The following NRXN1 variants were observed in gnomAD, a reference collection of about 807,000 sequenced individuals.
NRXN1 encodes neurexin 1, also known as neurexin-1.
Under a neutral mutation model 150.9 loss-of-function variants are expected in NRXN1, and 39 were observed. The ratio of observed to expected loss-of-function variants is 0.26; its 90% CI spans 0.20 to 0.34. The LOEUF (loss-of-function observed/expected upper bound fraction) is 0.34. Ranked by LOEUF, NRXN1 falls within the 10% of genes least tolerant of loss-of-function variation. The probability of loss-of-function intolerance (pLI) is 1.00; values close to 1 mark genes in which losing one functional copy is unlikely to be tolerated. For synonymous variants in NRXN1, 924 were observed against 757.0 expected, an observed-to-expected ratio of 1.22 and a Z score of -3.62; for missense variants, 1,815 against 1,949.9, an observed-to-expected ratio of 0.93 and a Z score of 1.30.
At chr2:50,206,925 C>G (rs1360164437) in intron 18 of NRXN1, among the ~76,000 whole-genome samples, 1 of 151,076 alleles carries the variant, frequency 6.6e-6, no homozygotes, top group Non-Finnish European at 1.5e-5. Context: ...CACACACATA[C>G]AAACCCAGTG....
At chr2:50,525,597 G>T (rs139215134) in intron 12 of NRXN1, among the ~76,000 whole-genome samples, 130 of 152,272 alleles carry the variant, frequency 8.5e-4, no homozygotes, top group Non-Finnish European at 1.2e-3. Flanking sequence ...AAGCTAATGA[G>T]CATCAATAAA....
At chr2:50,203,889 G>A (rs978939878) in intron 18 of NRXN1, among the ~76,000 whole-genome samples, 7 of 152,090 alleles carry the variant, frequency 4.6e-5, no homozygotes, top group African/African-American at 1.2e-4. Context: ...GACTGGGTGA[G>A]TTTTCCTGGG....
At chr2:50,697,776 C>T (rs1476060857) in intron 5 of NRXN1, among the ~76,000 whole-genome samples, 2 of 152,082 alleles carry the variant, frequency 1.3e-5, no homozygotes, top group Admixed American at 1.3e-4. Context: ...ATAGGTTCTG[C>T]CCACATCTTT....
At chr2:50,170,237 T>C (rs1311963690) in intron 18 of NRXN1, among the ~76,000 whole-genome samples, 1 of 152,012 alleles carries the variant, frequency 6.6e-6, no homozygotes, top group Non-Finnish European at 1.5e-5. Context: ...AAATCCAAAA[T>C]TTTTTGAACA....
intron 19 of NRXN1, among the ~76,000 whole-genome samples, chr2:50,067,473 T>C (rs1396745054): frequency 6.6e-6 from 1 of 152,224 alleles, no homozygotes; most frequent in African/African-American, 2.4e-5. Context: ...CACCTTTAAA[T>C]GCTGTTTGTT....
At chr2:50,349,506 T>C (rs1266513939) in intron 17 of NRXN1, among the ~76,000 whole-genome samples, 1 of 152,234 alleles carries the variant, frequency 6.6e-6, no homozygotes, top group Non-Finnish European at 1.5e-5. Flanking sequence ...TGACATTTCA[T>C]AGTGTTAGCA....
chr2:50,256,408 A>T lies in NRXN1; in HGVS notation c.3365-19438T>A, dbSNP rs565002528. 3.9e-5 allele frequency among the ~76,000 whole-genome samples: 6 copies of T among 152,292 alleles called. No homozygotes were observed. In the East Asian group the frequency reaches 1.2e-3, roughly 29 times the overall value. On this transcript the variant is annotated intron_variant, in intron 17 of 22. Transcript: ENST00000401669. ...ATCAACAGAATTTTATATATCAGAC[A>T]TTTAAAGACTTTGTTTTAAAAAGCC...
intron 21 of NRXN1, among the ~76,000 whole-genome samples, chr2:49,993,046 T>C (rs1682285736): frequency 6.6e-6 from 1 of 152,190 alleles, no homozygotes; most frequent in African/African-American, 2.4e-5. Context: ...AATCCAGCAA[T>C]CACTCTGCTT....
intron 17 of NRXN1, among the ~76,000 whole-genome samples, chr2:50,453,962 GA>G (rs1421962310): frequency 2.0e-5 from 3 of 152,088 alleles, no homozygotes; most frequent in African/African-American, 7.2e-5. Context: ...TAATCAGTGG[GA>G]AAAAAGTAAA....
intron 8 of NRXN1, among the ~76,000 whole-genome samples, chr2:50,573,532 G>C (rs866497661): frequency 2.0e-5 from 3 of 150,484 alleles, no homozygotes; most frequent in African/African-American, 7.3e-5. Flanking sequence ...TTAACTATTA[G>C]ATAGTTAATT....
chr2:50,087,135 G>A (rs923404781), intron 19 of NRXN1, among the ~76,000 whole-genome samples: 2 of 152,046 alleles, frequency 1.3e-5, no homozygotes, highest in African/African-American at 4.8e-5. Flanking sequence ...TCCTTGGAAC[G>A]AGTTTTCCTT....
In NRXN1 at chr2:50,551,011, GGAGGAA is replaced by G. The variant is rs1172928653; in HGVS notation, c.1759+1570_1759+1575del. ...TCAGCTTAAATCAGAAAGAAGAGGA[GGAGGAA>G]GAGGAAGAGGAAGAGGAAGAGGAAG... On this transcript the variant is annotated intron_variant, in intron 9 of 22. Transcript: ENST00000401669. Among the ~76,000 whole-genome samples, 860 of 119,148 alleles carry G rather than the reference GGAGGAA, an allele frequency of 7.2e-3. 12 individuals carry two copies. Among genetic ancestry groups the G allele is most frequent in the Middle Eastern group, 0.02 (5 of 250 alleles). The allele number at this position is 119,148 out of a possible 152,430, so 78.2% of individuals were successfully genotyped here.
chr2:50,073,229 T>C (rs1696569648), intron 19 of NRXN1, among the ~76,000 whole-genome samples: 1 of 152,218 alleles, frequency 6.6e-6, no homozygotes, highest in Admixed American at 6.5e-5. Context: ...CCCTGCACTT[T>C]AGCCAGAAAA....
intron 17 of NRXN1, among the ~76,000 whole-genome samples, chr2:50,364,313 T>C (rs2079434597): frequency 6.6e-6 from 1 of 152,156 alleles, no homozygotes; most frequent in African/African-American, 2.4e-5. Flanking sequence ...GAAAATCAAC[T>C]GTAAACAAAC....
chr2:49,925,670 T>G (rs1190968607), intron 22 of NRXN1, among the ~76,000 whole-genome samples: 1 of 152,166 alleles, frequency 6.6e-6, no homozygotes, highest in Non-Finnish European at 1.5e-5. Context: ...AAATAAGACA[T>G]TTTTAAAAAA....
rs112513050 is a variant in NRXN1, at chr2:50,761,501, C to T, written c.833-137886G>A. Among the ~76,000 whole-genome samples, 662 of 152,058 alleles carry T rather than the reference C, an allele frequency of 4.4e-3. 10 individuals are homozygous for T. Among genetic ancestry groups the T allele is most frequent in the African/African-American group, 0.015 (624 of 41,536 alleles). On this transcript the variant is annotated intron_variant, in intron 5 of 22. Transcript: ENST00000401669. ...TTTGTCTTCTGCCATGATTGTGAGGCCTCCCAGCCATGTGGAATTGTGAGT... is the reference window on the plus strand; with the variant it reads ...TTTGTCTTCTGCCATGATTGTGAGGTCTCCCAGCCATGTGGAATTGTGAGT...
In NRXN1 at chr2:50,112,604, G is replaced by A. The variant is rs887466467; in HGVS notation, c.3547-21110C>T. Among the ~76,000 whole-genome samples, 10 of 152,128 alleles carry A rather than the reference G, an allele frequency of 6.6e-5. 1 individual carries two copies. Among genetic ancestry groups the A allele is most frequent in the Non-Finnish European group, 1.5e-4 (10 of 68,012 alleles). ...TATTTTGAGTTGTGAACTTTTAGAT[G>A]GAGATAGGATTCCATGAGGGTGCAA... is the stretch of plus-strand genomic sequence containing the variant. On this transcript the variant is annotated intron_variant, in intron 18 of 22. Transcript: ENST00000401669.
At chr2:50,618,504 TCTAA>T (rs1679408374) in intron 8 of NRXN1, among the ~76,000 whole-genome samples, 1 of 152,064 alleles carries the variant, frequency 6.6e-6, no homozygotes, top group African/African-American at 2.4e-5. Context: ...TTTTAGGAAC[TCTAA>T]CAAACATTTC....
chr2:50,581,041 G>C (rs1269933595), intron 8 of NRXN1, among the ~76,000 whole-genome samples: 1 of 152,010 alleles, frequency 6.6e-6, no homozygotes, highest in Non-Finnish European at 1.5e-5. Context: ...ACTATGCTGA[G>C]ACAAATCAAC....
Sources: allele counts gnomAD v4.1 joint callset (sites outside exome capture counted in the v4.1 genomes callset), GRCh38; gene constraint gnomAD v4.1.1; transcripts MANE v1.5; gene names NCBI Gene and HGNC (gene_info 2026-07-23, HGNC 2026-07-21).